The following DYNC1I1 variants were observed in gnomAD, a reference collection of about 807,000 sequenced individuals.
DYNC1I1 encodes dynein cytoplasmic 1 intermediate chain 1, also known as cytoplasmic dynein 1 intermediate chain 1.
DYNC1I1 carries 43 observed loss-of-function variants against 86.6 expected under a neutral mutation model. The observed-to-expected ratio is 0.50, with a 90% CI of 0.39 to 0.64. DYNC1I1 has a LOEUF of 0.64. Ranked by LOEUF, DYNC1I1 falls within the 30% of genes least tolerant of loss-of-function variation. DYNC1I1 has a pLI of 0.00. For missense variants in DYNC1I1, 604 were observed against 788.8 expected, an observed-to-expected ratio of 0.77 and a Z score of 2.81; for synonymous variants, 262 against 283.7, an observed-to-expected ratio of 0.92 and a Z score of 0.77.
intron 9 of DYNC1I1, among the ~76,000 whole-genome samples, chr7:95,993,025 G>C (rs981525299): frequency 6.6e-6 from 1 of 152,164 alleles, no homozygotes; most frequent in Non-Finnish European, 1.5e-5. Flanking sequence ...AGCTCTATGA[G>C]TAACCAAATG....
At chr7:96,086,153 G>A (rs974763122) in intron 16 of DYNC1I1, among the ~76,000 whole-genome samples, 2 of 152,106 alleles carry the variant, frequency 1.3e-5, no homozygotes, top group African/African-American at 4.8e-5. Flanking sequence ...AAAGCCCACC[G>A]CCATTGTTAA....
intron 1 of DYNC1I1, among the ~76,000 whole-genome samples, chr7:95,797,361 A>C (rs1417450235): frequency 1.3e-5 from 2 of 152,192 alleles, no homozygotes; most frequent in Non-Finnish European, 2.9e-5. Flanking sequence ...ATTTGTTGCT[A>C]ATGATAAAGT....
At chr7:96,022,553 G>A (rs959894344) in intron 10 of DYNC1I1, among the ~76,000 whole-genome samples, 1 of 151,994 alleles carries the variant, frequency 6.6e-6, no homozygotes, top group Non-Finnish European at 1.5e-5. Context: ...CTTAGAGAGA[G>A]GAAGGGAGAG....
chr7:95,920,893 G>A (rs963403127), intron 6 of DYNC1I1, among the ~76,000 whole-genome samples: 1 of 152,156 alleles, frequency 6.6e-6, no homozygotes, highest in African/African-American at 2.4e-5. Flanking sequence ...TCCAAAGTAT[G>A]AGAAAGTTCA....
chr7:96,041,499 G>A (rs1357257608), intron 14 of DYNC1I1, among the ~76,000 whole-genome samples: 1 of 152,132 alleles, frequency 6.6e-6, no homozygotes, highest in Non-Finnish European at 1.5e-5. Context: ...AAATAAGACA[G>A]AAGACATATG....
In DYNC1I1 at chr7:95,954,915, C is replaced by CAAAAAAAAAAAA. The variant is rs58435060; in HGVS notation, c.491-22585_491-22574dup. Among the ~76,000 whole-genome samples, 58 of 81,852 alleles carry CAAAAAAAAAAAA rather than the reference C, an allele frequency of 7.1e-4. 3 individuals are homozygous for CAAAAAAAAAAAA. Among genetic ancestry groups the CAAAAAAAAAAAA allele is most frequent in the African/African-American group, 2.7e-3 (58 of 21,368 alleles). 53.7% of individuals were successfully genotyped at this position (81,852 alleles called of 152,430 possible). On this transcript the variant is annotated intron_variant, in intron 6 of 16. Coordinates refer to ENST00000447467, the MANE Select transcript of DYNC1I1 (RefSeq NM_001135556.2). ...TGGGCAACAGAGCAAGACTCTGTCT[C>CAAAAAAAAAAAA]AAAAAAAAAAAAAAAAAAAAAAAGA...
intron 5 of DYNC1I1, among the ~76,000 whole-genome samples, chr7:95,836,548 T>C (rs1789097799): frequency 6.6e-6 from 1 of 151,796 alleles, no homozygotes; most frequent in South Asian, 2.1e-4. Flanking sequence ...TCCTGGATAA[T>C]ATCCTGCACA....
intron 6 of DYNC1I1, among the ~76,000 whole-genome samples, chr7:95,943,715 C>T (rs1440242831): frequency 5.2e-4 from 79 of 151,042 alleles, no homozygotes; most frequent in Middle Eastern, 3.4e-3. Flanking sequence ...TCAGAAATAA[C>T]GCCGCATATC....
intron 10 of DYNC1I1, among the ~76,000 whole-genome samples, chr7:96,024,320 C>CTCCTAGGCTCA (rs1374350389): frequency 2.6e-5 from 4 of 152,276 alleles, no homozygotes; most frequent in Non-Finnish European, 5.9e-5. Flanking sequence ...TAGTCTCGAA[C>CTCCTAGGCTCA]TCCTAGGCTC....
chr7:95,918,569 G>A (rs957505331), intron 6 of DYNC1I1, among the ~76,000 whole-genome samples: 2 of 152,214 alleles, frequency 1.3e-5, no homozygotes, highest in Non-Finnish European at 2.9e-5. Flanking sequence ...ATGTGTGGGT[G>A]TGCATGTGTG....
At chr7:95,848,141 G>A (rs932542857) in intron 5 of DYNC1I1, among the ~76,000 whole-genome samples, 7 of 150,310 alleles carry the variant, frequency 4.7e-5, no homozygotes, top group South Asian at 4.2e-4. Flanking sequence ...AACATCCACC[G>A]TCTTACCATT....
downstream of DYNC1I1, among the ~76,000 whole-genome samples, chr7:96,101,239 C>G (rs527852803): frequency 1.4e-4 from 21 of 152,288 alleles, no homozygotes; most frequent in African/African-American, 3.8e-4. Flanking sequence ...AATAGACAGG[C>G]AGCCAAAAGG....
chr7:96,034,776 C>T (rs2299275), intron 12 of DYNC1I1, among the ~76,000 whole-genome samples: 34,644 of 152,018 alleles, frequency 0.23, 4,056 homozygotes, highest in East Asian at 0.32. Context: ...TTAATGGACT[C>T]CTTGGCTGAA....
intron 1 of DYNC1I1, among the ~76,000 whole-genome samples, chr7:95,800,626 G>A (rs563443121): frequency 1.1e-4 from 17 of 152,322 alleles, no homozygotes; most frequent in African/African-American, 3.1e-4. Flanking sequence ...GAGTGAAGCC[G>A]AGAGTTGGCT....
intron 10 of DYNC1I1, among the ~76,000 whole-genome samples, chr7:96,024,015 T>C (rs1165667529): frequency 6.6e-6 from 1 of 152,162 alleles, no homozygotes; most frequent in Non-Finnish European, 1.5e-5. Flanking sequence ...CTTTGTGTTA[T>C]GTGTGTTGGA....
downstream of DYNC1I1, among the ~76,000 whole-genome samples, chr7:96,102,622 T>C (rs893085281): frequency 2.0e-5 from 3 of 152,280 alleles, no homozygotes; most frequent in South Asian, 2.1e-4. Flanking sequence ...TGCACAACTT[T>C]GGGTGAGGCT....
chr7:95,813,126 T>A (rs965039678), intron 3 of DYNC1I1, 121 bp from the exon 4 acceptor site: 4 of 1,478,196 alleles, frequency 2.7e-6, no homozygotes, highest in African/African-American at 2.9e-5. Context: ...CATCTCAATG[T>A]CTCCTGGCCA....
intron 14 of DYNC1I1, among the ~76,000 whole-genome samples, chr7:96,045,980 A>G (rs1166747731): frequency 2.0e-5 from 3 of 152,186 alleles, no homozygotes; most frequent in Non-Finnish European, 4.4e-5. Context: ...GCATGAAGGG[A>G]GAGGGAATTA....
intron 6 of DYNC1I1, among the ~76,000 whole-genome samples, chr7:95,916,719 C>T (rs532597577): frequency 6.6e-6 from 1 of 152,194 alleles, no homozygotes; most frequent in South Asian, 2.1e-4. Context: ...CCCAGTTTTG[C>T]CGCTTTGTCC....
Sources: gnomAD v4.1 joint callset for allele counts (sites outside exome capture counted in the v4.1 genomes callset) on GRCh38, gnomAD v4.1.1 for gene constraint, MANE v1.5 for transcripts, NCBI Gene and HGNC (gene_info 2026-07-23, HGNC 2026-07-21) for gene names.